Variants in DOCK3 observed in about 807,000 individuals in gnomAD.
DOCK3 encodes the protein dedicator of cytokinesis protein 3.
DOCK3 carries 60 observed loss-of-function variants against 265.6 expected under a neutral mutation model. The observed-to-expected ratio is 0.23, with a 90% CI of 0.18 to 0.28. The LOEUF (loss-of-function observed/expected upper bound fraction) is 0.28, where lower values mean the gene tolerates loss of function less well. DOCK3 is among the 10% of genes least tolerant of loss of function. The probability of loss-of-function intolerance (pLI) is 1.00; values close to 1 mark genes in which losing one functional copy is unlikely to be tolerated. For synonymous variants in DOCK3, 881 were observed against 938.0 expected, an observed-to-expected ratio of 0.94 and a Z score of 1.11; for missense variants, 1,981 against 2,594.3, an observed-to-expected ratio of 0.76 and a Z score of 5.14.
intron 27 of DOCK3, among the ~76,000 whole-genome samples, chr3:51,298,146 A>G (rs1012447186): frequency 9.9e-5 from 15 of 152,172 alleles, no homozygotes; most frequent in Non-Finnish European, 1.8e-4. Flanking sequence ...GTATACTCAG[A>G]TTTTCTATTT....
At chr3:50,838,670 A>G (rs946161965) in intron 2 of DOCK3, among the ~76,000 whole-genome samples, 1 of 152,248 alleles carries the variant, frequency 6.6e-6, no homozygotes, top group African/African-American at 2.4e-5. Flanking sequence ...ACAGTAGGTA[A>G]ATTGACATTT....
chr3:51,188,036 T>G (rs1187579590), intron 12 of DOCK3, among the ~76,000 whole-genome samples: 1 of 152,174 alleles, frequency 6.6e-6, no homozygotes, highest in African/African-American at 2.4e-5. Flanking sequence ...TATAAGCTAT[T>G]AGAGGAAAGA....
At chr3:50,692,150 C>A (rs2035294102) in intron 1 of DOCK3, among the ~76,000 whole-genome samples, 1 of 152,138 alleles carries the variant, frequency 6.6e-6, no homozygotes, top group African/African-American at 2.4e-5. Context: ...CTTCTATCTT[C>A]TAGAGATCCT....
At chr3:50,840,370 C>G (rs907728854) in intron 2 of DOCK3, among the ~76,000 whole-genome samples, 1 of 152,142 alleles carries the variant, frequency 6.6e-6, no homozygotes, top group Non-Finnish European at 1.5e-5. Context: ...GGTCTACGAT[C>G]CATTTTGAGT....
In DOCK3 at chr3:51,075,418, G is replaced by C; in HGVS notation, c.527G>C (p.Ser176Thr). 1 of 1,610,136 alleles carries C rather than the reference G, an allele frequency of 6.2e-7. No individual in the cohort carries two copies. The highest frequency in any genetic ancestry group is 8.5e-7 in the Non-Finnish European group (1 of 1,178,296). ...GAAGTAGTGGACTCGGACCAGATTA[G>C]TGTCTCAGATCTCTATAAGATGGTA... is the stretch of plus-strand genomic sequence containing the variant. ...DFEVVDSDQI[S>T]VSDLYKMHLS... The change falls in exon 7 of 53, where the codon AGT becomes ACT. Residue 176 changes from serine (S) to threonine (T), a missense_variant. Physicochemically the swap from Ser to Thr is moderately conservative, Grantham distance 58. This residue lies in a region of DOCK3 where 456 missense variants were observed against 539.0 expected (regional missense o/e 0.85). Transcript: ENST00000266037.
intron 51 of DOCK3, among the ~76,000 whole-genome samples, chr3:51,379,079 A>G (rs1467813017): frequency 1.3e-5 from 2 of 152,234 alleles, no homozygotes; most frequent in Non-Finnish European, 2.9e-5. Context: ...AAGGAGCTCT[A>G]TGTCCTGTGC....
intron 3 of DOCK3, among the ~76,000 whole-genome samples, chr3:50,883,289 A>G (rs2048151220): frequency 6.6e-6 from 1 of 152,130 alleles, no homozygotes; most frequent in South Asian, 2.1e-4. Flanking sequence ...ATTTTGCTAG[A>G]TATCTGTGAA....
intron 9 of DOCK3, among the ~76,000 whole-genome samples, chr3:51,103,229 T>C (rs1255594394): frequency 6.6e-6 from 1 of 152,150 alleles, no homozygotes; most frequent in Admixed American, 6.6e-5. Flanking sequence ...GCAGATGTAC[T>C]AAACCAATGG....
chr3:51,166,908 A>G (rs751130213), intron 12 of DOCK3, among the ~76,000 whole-genome samples: 1 of 152,150 alleles, frequency 6.6e-6, no homozygotes, highest in South Asian at 2.1e-4. Context: ...TTCTCATTCC[A>G]TAGATTGCCT....
intron 9 of DOCK3, among the ~76,000 whole-genome samples, chr3:51,097,149 G>A (rs566087694): frequency 1.3e-5 from 2 of 152,312 alleles, no homozygotes; most frequent in East Asian, 1.9e-4. Flanking sequence ...TGGGAGATCC[G>A]TTGCTGTCTT....
At chr3:51,006,692 T>C (rs2078688890) in intron 5 of DOCK3, among the ~76,000 whole-genome samples, 1 of 152,212 alleles carries the variant, frequency 6.6e-6, no homozygotes, top group Non-Finnish European at 1.5e-5. Context: ...GTTACATATG[T>C]ATACATGTGC....
intron 1 of DOCK3, among the ~76,000 whole-genome samples, chr3:50,679,517 A>G (rs2034238322): frequency 6.6e-6 from 1 of 152,206 alleles, no homozygotes. Context: ...ACAAACAAAC[A>G]AACAAACAAA....
At chr3:51,119,294 C>T (rs2083905909) in intron 9 of DOCK3, among the ~76,000 whole-genome samples, 1 of 152,078 alleles carries the variant, frequency 6.6e-6, no homozygotes, top group Non-Finnish European at 1.5e-5. Context: ...ATATTGGCCC[C>T]CACTCTCTTC....
At chr3:50,987,167 G>T (rs759217340) in intron 5 of DOCK3, among the ~76,000 whole-genome samples, 19 of 151,668 alleles carry the variant, frequency 1.3e-4, no homozygotes, top group Admixed American at 3.9e-4. Context: ...CACAATACTG[G>T]TTTTTTTTGC....
chr3:50,758,488 ATT>A (rs2040332384), intron 1 of DOCK3, among the ~76,000 whole-genome samples: 1 of 152,144 alleles, frequency 6.6e-6, no homozygotes, highest in South Asian at 2.1e-4. Context: ...AGTTTTAACC[ATT>A]TGTAAGTGTA....
intron 1 of DOCK3, among the ~76,000 whole-genome samples, chr3:50,689,002 G>A (rs1401048321): frequency 6.6e-6 from 1 of 152,156 alleles, no homozygotes; most frequent in Non-Finnish European, 1.5e-5. Context: ...GGCTATTCGA[G>A]GAGTAAATTA....
At chr3:51,147,117 CA>C (rs1237540139) in intron 10 of DOCK3, among the ~76,000 whole-genome samples, 8 of 137,832 alleles carry the variant, frequency 5.8e-5, no homozygotes, top group South Asian at 4.6e-4. Context: ...GACCCTGTCT[CA>C]AAAAAAAAAC....
chr3:51,158,016 G>A (rs1269425357), intron 10 of DOCK3, among the ~76,000 whole-genome samples: 2 of 151,884 alleles, frequency 1.3e-5, no homozygotes, highest in African/African-American at 2.4e-5. Context: ...AAAAGGAAAT[G>A]GAACTAAGGG....
intron 4 of DOCK3, among the ~76,000 whole-genome samples, chr3:50,926,324 A>G (rs1193086514): frequency 6.6e-6 from 1 of 152,176 alleles, no homozygotes; most frequent in Non-Finnish European, 1.5e-5. Context: ...TACCTGGAAG[A>G]TTTCTTGCTT....
Sources: allele counts gnomAD v4.1 joint callset (sites outside exome capture counted in the v4.1 genomes callset), GRCh38; gene constraint gnomAD v4.1.1; regional missense constraint gnomAD v4.1.1; transcripts MANE v1.5; gene names NCBI Gene and HGNC (gene_info 2026-07-23, HGNC 2026-07-21).